The following C11orf65 variants were observed in gnomAD, a reference collection of about 807,000 sequenced individuals.
C11orf65 encodes the protein chromosome 11 open reading frame 65, also known as protein MFI.
Under a neutral mutation model 35.3 loss-of-function variants are expected in C11orf65, and 38 were observed. That is an observed-to-expected ratio of 1.08 (90% CI 0.83 to 1.41). The LOEUF (loss-of-function observed/expected upper bound fraction) is 1.41, where lower values mean the gene tolerates loss of function less well. Among genes scored for constraint, C11orf65 ranks in the 40% most tolerant of loss-of-function variants. The probability of loss-of-function intolerance (pLI) is 0.00; values close to 1 mark genes in which losing one functional copy is unlikely to be tolerated. For synonymous variants in C11orf65, 105 were observed against 114.4 expected, an observed-to-expected ratio of 0.92 and a Z score of 0.53; for missense variants, 370 against 367.1, an observed-to-expected ratio of 1.01 and a Z score of -0.06.
intron 6 of C11orf65, among the ~76,000 whole-genome samples, chr11:108,397,589 G>T (rs2092346374): frequency 6.6e-6 from 1 of 152,118 alleles, no homozygotes; most frequent in Non-Finnish European, 1.5e-5. Flanking sequence ...TTAAAAGCCA[G>T]AATTCTTTTA....
intron 3 of C11orf65, among the ~76,000 whole-genome samples, chr11:108,429,993 A>G (rs1239811457): frequency 1.3e-5 from 2 of 152,164 alleles, no homozygotes; most frequent in Non-Finnish European, 2.9e-5. Context: ...GTGGAAGGGA[A>G]AATAAGGAGT....
chr11:108,428,937 A>G (rs1366410060), intron 3 of C11orf65, among the ~76,000 whole-genome samples: 2 of 152,210 alleles, frequency 1.3e-5, no homozygotes, highest in African/African-American at 2.4e-5. Flanking sequence ...GCTTGAGCCC[A>G]GGAGTTTGAG....
downstream of C11orf65, chr11:108,328,961 A>G (rs1378389970): frequency 2.0e-6 from 3 of 1,486,352 alleles, no homozygotes; most frequent in East Asian, 7.2e-5. Flanking sequence ...AATTTGAGTG[A>G]TTCTTTAGAT....
intron 2 of C11orf65, among the ~76,000 whole-genome samples, chr11:108,441,629 G>A (rs887384312): frequency 5.3e-5 from 8 of 152,220 alleles, no homozygotes; most frequent in Non-Finnish European, 8.8e-5. Context: ...AAAGCTTCCG[G>A]AGGAAGGATT....
chr11:108,394,948 C>G lies in C11orf65; in HGVS notation c.561-1570G>C, dbSNP rs186644351. Among the ~76,000 whole-genome samples, 257 of 151,724 alleles carry G rather than the reference C, an allele frequency of 1.7e-3. 2 individuals carry two copies. The highest frequency in any genetic ancestry group is 5.3e-3 in the African/African-American group (221 of 41,368). On this transcript the variant is annotated intron_variant, in intron 6 of 8. Transcript: ENST00000393084. ...AAGTTTAAGAACATACTGGACAACA[C>G]AGTGAGACCCCATCTCTACAAACAA... is the stretch of plus-strand genomic sequence containing the variant.
At chr11:108,381,562 A>C (rs2091865116), downstream of C11orf65, among the ~76,000 whole-genome samples, 1 of 152,044 alleles carries the variant, frequency 6.6e-6, no homozygotes, top group Non-Finnish European at 1.5e-5. Flanking sequence ...TTAACACAAA[A>C]GTTTTTTGGC....
intron 2 of C11orf65, among the ~76,000 whole-genome samples, chr11:108,364,232 C>T (rs2091099322): frequency 1.3e-5 from 2 of 152,190 alleles, no homozygotes; most frequent in African/African-American, 2.4e-5. Context: ...GTGTTCCAAC[C>T]TTGTAATACT....
intron 2 of C11orf65, among the ~76,000 whole-genome samples, chr11:108,342,769 C>A (rs1591244631): frequency 6.6e-6 from 1 of 152,178 alleles, no homozygotes; most frequent in East Asian, 1.9e-4. Context: ...GATAATAAGA[C>A]TAAAGCAAGA....
At chr11:108,397,561 C>T (rs956307288) in intron 6 of C11orf65, among the ~76,000 whole-genome samples, 1 of 152,006 alleles carries the variant, frequency 6.6e-6, no homozygotes, top group Non-Finnish European at 1.5e-5. Flanking sequence ...ATCTATAGGA[C>T]ACAGGAAGGG....
intron 6 of C11orf65, among the ~76,000 whole-genome samples, chr11:108,324,572 ATTGAAG>A (rs1246980708): frequency 6.6e-6 from 1 of 152,088 alleles, no homozygotes; most frequent in African/African-American, 2.4e-5. Context: ...TTAGAGAGGA[ATTGAAG>A]TTTTGGTTCC....
At chr11:108,362,716 G>T (rs932163917) in intron 2 of C11orf65, among the ~76,000 whole-genome samples, 6 of 142,270 alleles carry the variant, frequency 4.2e-5, no homozygotes, top group Non-Finnish European at 7.6e-5. Context: ...ACCAAACACC[G>T]CATATTCTCA....
intron 2 of C11orf65, among the ~76,000 whole-genome samples, chr11:108,440,662 T>G (rs572128332): frequency 1.3e-5 from 2 of 152,304 alleles, no homozygotes; most frequent in East Asian, 1.9e-4. Context: ...TTCAGGGCAG[T>G]TATCCTTCCT....
At chr11:108,376,460 T>C (rs2091729111) in intron 2 of C11orf65, among the ~76,000 whole-genome samples, 1 of 152,130 alleles carries the variant, frequency 6.6e-6, no homozygotes, top group South Asian at 2.1e-4. Context: ...TACCAGAATC[T>C]CTGGGACACA....
intron 3 of C11orf65, among the ~76,000 whole-genome samples, chr11:108,413,076 A>G (rs767185822): frequency 7.2e-5 from 11 of 152,244 alleles, no homozygotes; most frequent in Non-Finnish European, 1.6e-4. Flanking sequence ...AACTGGATCC[A>G]ATTGACATTT....
intron 2 of C11orf65, among the ~76,000 whole-genome samples, chr11:108,443,335 G>C (rs1394454523): frequency 6.6e-6 from 1 of 151,690 alleles, no homozygotes; most frequent in Middle Eastern, 3.4e-3. Context: ...CAAGTCCTGA[G>C]TGACCTACAA....
chr11:108,461,584 CA>C lies in C11orf65; in HGVS notation c.-9-17del. 1 of 1,365,922 alleles carries C rather than the reference CA, an allele frequency of 7.3e-7. No homozygotes were observed. The highest frequency in any genetic ancestry group is 1.0e-6 in the Non-Finnish European group (1 of 979,168). 84.6% of individuals were successfully genotyped at this position (1,365,922 alleles called of 1,614,324 possible). A position where few individuals can be genotyped will look rare whatever the true frequency, so the allele number is the denominator to read the frequency against. On this transcript the variant is annotated splice_polypyrimidine_tract_variant and intron_variant, in intron 1 of 8. Transcript: ENST00000393084. ...TTTGAAATTCCTAAAAGAAAATGAGCAAAAAGGGTACATTTAAAATAATTTT... is the reference window on the plus strand; with the variant it reads ...TTTGAAATTCCTAAAAGAAAATGAGCAAAAGGGTACATTTAAAATAATTTT...
At chr11:108,330,293 T>G (rs781255503), downstream of C11orf65, 2 of 1,614,210 alleles carry the variant, frequency 1.2e-6, no homozygotes, top group Non-Finnish European at 1.7e-6. Flanking sequence ...TAAACGCTTC[T>G]TATGTAAAGC....
downstream of C11orf65, among the ~76,000 whole-genome samples, chr11:108,378,063 A>T (rs1282281246): frequency 6.6e-6 from 1 of 151,718 alleles, no homozygotes; most frequent in Non-Finnish European, 1.5e-5. Flanking sequence ...TGCCCAAGGT[A>T]ATTTATAGAT....
intron 2 of C11orf65, among the ~76,000 whole-genome samples, chr11:108,456,036 T>C (rs1178828326): frequency 6.6e-6 from 1 of 151,748 alleles, no homozygotes; most frequent in East Asian, 1.9e-4. Context: ...ATGCCTGTAG[T>C]CCCAGCTATT....
Sources: allele counts gnomAD v4.1 joint callset (sites outside exome capture counted in the v4.1 genomes callset), GRCh38; gene constraint gnomAD v4.1.1; transcripts MANE v1.5; gene names NCBI Gene and HGNC (gene_info 2026-07-23, HGNC 2026-07-21).